PPARGC1A: variants seen among roughly 807,000 people sequenced by gnomAD.
The protein encoded by PPARGC1A is PPARG coactivator 1 alpha, also known as peroxisome proliferator-activated receptor gamma coactivator 1-alpha.
In PPARGC1A, 25 loss-of-function variants were observed where a neutral mutation model predicts 88.7. The ratio of observed to expected loss-of-function variants is 0.28; its 90% CI spans 0.21 to 0.39. The LOEUF (loss-of-function observed/expected upper bound fraction) is 0.39. Among genes scored for constraint, PPARGC1A ranks in the 10% least tolerant of loss-of-function variants. The pLI is 1.00. For missense variants in PPARGC1A, 880 were observed against 968.7 expected (o/e 0.91, Z 1.22); for synonymous variants, 363 against 355.6 (o/e 1.02, Z -0.24).
the PPARGC1A span, among the ~76,000 whole-genome samples, chr4:24,140,770 T>C: frequency 6.6e-6 from 1 of 152,136 alleles, no homozygotes. Flanking sequence ...CTCAGAAGAT[T>C]CATTCAAACC....
the PPARGC1A span, among the ~76,000 whole-genome samples, chr4:23,989,432 T>A: frequency 1.3e-5 from 2 of 151,996 alleles, no homozygotes; most frequent in Non-Finnish European, 1.5e-5. Context: ...CTAAGTATTA[T>A]CATATCTTAT....
At chr4:23,902,042 T>C (rs74324335), upstream of PPARGC1A, among the ~76,000 whole-genome samples, 1,774 of 152,252 alleles carry the variant, frequency 0.012, 25 homozygotes, top group Non-Finnish European at 0.019. Flanking sequence ...TCTACAGATA[T>C]AAAATATACC....
chr4:23,928,758 AAACAAAAAAAAC>A, the PPARGC1A span, among the ~76,000 whole-genome samples: 8 of 3,904 alleles, frequency 2.0e-3, no homozygotes, highest in African/African-American at 3.7e-3. Context: ...AGCCACAAAA[AAACAAAAAAAAC>A]AAAAAAAAAC....
chr4:24,064,699 C>T, the PPARGC1A span, among the ~76,000 whole-genome samples: 1 of 152,272 alleles, frequency 6.6e-6, no homozygotes, highest in African/African-American at 2.4e-5. Flanking sequence ...ACACCCTCTG[C>T]ACCATCCTTT....
chr4:24,379,178 TATA>T, the PPARGC1A span, among the ~76,000 whole-genome samples: 1 of 152,220 alleles, frequency 6.6e-6, no homozygotes, highest in Non-Finnish European at 1.5e-5. Context: ...GTCTATATGA[TATA>T]ATAATATCAA....
chr4:24,438,584 C>T, the PPARGC1A span, among the ~76,000 whole-genome samples: 4 of 152,228 alleles, frequency 2.6e-5, no homozygotes, highest in East Asian at 1.9e-4. Flanking sequence ...TTACAATTTT[C>T]GGCTACTAAT....
the PPARGC1A span, among the ~76,000 whole-genome samples, chr4:24,044,064 G>A: frequency 1.3e-5 from 2 of 152,130 alleles, no homozygotes; most frequent in Non-Finnish European, 1.5e-5. Context: ...AACAAAGAGC[G>A]TCAAATTGGG....
chr4:24,390,378 A>G, the PPARGC1A span, among the ~76,000 whole-genome samples: 1 of 152,090 alleles, frequency 6.6e-6, no homozygotes, highest in Non-Finnish European at 1.5e-5. Context: ...ATTATTAAAT[A>G]GTTATATTTT....
At chr4:24,244,671 G>A in the PPARGC1A span, among the ~76,000 whole-genome samples, 1 of 152,190 alleles carries the variant, frequency 6.6e-6, no homozygotes, top group African/African-American at 2.4e-5. Flanking sequence ...GAGCACATTT[G>A]AGAATGTCTA....
the PPARGC1A span, among the ~76,000 whole-genome samples, chr4:24,215,598 G>A: frequency 1.6e-3 from 245 of 151,866 alleles, no homozygotes; most frequent in African/African-American, 4.0e-3. Context: ...TACTTATTAC[G>A]GAAGAAAATA....
chr4:24,464,592 A>G, the PPARGC1A span, among the ~76,000 whole-genome samples: 18 of 152,288 alleles, frequency 1.2e-4, no homozygotes, highest in South Asian at 1.7e-3. Flanking sequence ...TTCAGGCAAG[A>G]GATTACATGG....
chr4:24,213,417 C>T, the PPARGC1A span, among the ~76,000 whole-genome samples: 1 of 152,090 alleles, frequency 6.6e-6, no homozygotes, highest in African/African-American at 2.4e-5. Flanking sequence ...CCGCCCGCCT[C>T]GGCCTCCCAA....
the PPARGC1A span, among the ~76,000 whole-genome samples, chr4:24,384,725 G>A: frequency 6.6e-6 from 1 of 152,098 alleles, no homozygotes; most frequent in Non-Finnish European, 1.5e-5. Flanking sequence ...CAATACAGGA[G>A]CACCCAGATT....
chr4:23,951,277 G>C, the PPARGC1A span, among the ~76,000 whole-genome samples: 1 of 152,136 alleles, frequency 6.6e-6, no homozygotes, highest in African/African-American at 2.4e-5. Context: ...ATGATGAGAA[G>C]TGGGAAGGGT....
the PPARGC1A span, among the ~76,000 whole-genome samples, chr4:24,089,088 T>C: frequency 2.0e-5 from 3 of 152,352 alleles, no homozygotes; most frequent in South Asian, 6.2e-4. Context: ...AGTAGAAAAG[T>C]ACTGAATCAG....
At chr4:24,329,479 T>C in the PPARGC1A span, among the ~76,000 whole-genome samples, 1 of 152,052 alleles carries the variant, frequency 6.6e-6, no homozygotes, top group Non-Finnish European at 1.5e-5. Context: ...CACTCTGGTT[T>C]CTGACTGCCC....
At chr4:24,424,889 G>A in the PPARGC1A span, among the ~76,000 whole-genome samples, 1 of 152,156 alleles carries the variant, frequency 6.6e-6, no homozygotes. Context: ...AGAATGCTTC[G>A]TAGAGGGCAG....
At chr4:24,038,945 G>C in the PPARGC1A span, among the ~76,000 whole-genome samples, 1 of 152,084 alleles carries the variant, frequency 6.6e-6, no homozygotes, top group African/African-American at 2.4e-5. Context: ...CACCACAGAG[G>C]TTTACAAGCT....
chr4:24,082,851 TG>T, the PPARGC1A span, among the ~76,000 whole-genome samples: 1 of 152,068 alleles, frequency 6.6e-6, no homozygotes, highest in South Asian at 2.1e-4. Context: ...GCCATGAATG[TG>T]GGATACAGGA....
Sources: allele counts gnomAD v4.1 joint callset (sites outside exome capture counted in the v4.1 genomes callset), GRCh38; gene constraint gnomAD v4.1.1; transcripts MANE v1.5; gene names NCBI Gene and HGNC (gene_info 2026-07-23, HGNC 2026-07-21).